Variants in CHI3L2 observed in about 807,000 individuals in gnomAD.
CHI3L2 encodes chitinase-3-like protein 2.
Under a neutral mutation model 47.3 loss-of-function variants are expected in CHI3L2, and 47 were observed. The ratio of observed to expected loss-of-function variants is 0.99; its 90% CI spans 0.79 to 1.27. The LOEUF is 1.27. Ranked by LOEUF, CHI3L2 falls within the 50% of genes most tolerant of loss-of-function variation. The pLI, the probability that CHI3L2 is intolerant of heterozygous loss-of-function variation, is 0.00. For missense variants in CHI3L2, 497 were observed against 462.1 expected (o/e 1.08, Z -0.69); for synonymous variants, 198 against 169.9 (o/e 1.17, Z -1.28).
intron 2 of CHI3L2, 148 bp downstream of exon 2, chr1:111,230,029 A>G (rs568155020): frequency 9.3e-6 from 8 of 863,952 alleles, no homozygotes; most frequent in South Asian, 1.7e-5. Context: ...CTGAGTTTTT[A>G]TTCTATCTTT....
chr1:111,243,174 T>A (rs970819671), intron 10 of CHI3L2, 43 bp from the exon 11 acceptor site: 1 of 455,916 alleles, frequency 2.2e-6, no homozygotes, highest in African/African-American at 2.0e-5. Context: ...TAGGCCTCAG[T>A]TTACTGAGTT....
chr1:111,232,147 T>C (rs999389402), intron 4 of CHI3L2, among the ~76,000 whole-genome samples: 1 of 152,220 alleles, frequency 6.6e-6, no homozygotes, highest in African/African-American at 2.4e-5. Flanking sequence ...AAGACCTATG[T>C]AGATTTCTGC....
At chr1:111,231,097 C>G in intron 3 of CHI3L2, 141 bp from the exon 4 acceptor site, 1 of 946,840 alleles carries the variant, frequency 1.1e-6, no homozygotes, top group Middle Eastern at 2.2e-4. Context: ...ACCAGTGCTT[C>G]ATCCCTTCAC....
rs144810201 is a variant in CHI3L2 at position 111,230,975 on chromosome 1, T to C, written c.272+32T>C. Reference sequence around the variant, plus strand: ...AAGATGGGGGTGGAAGCATCCTGCATGGATTTTAGAGGAGGGAAGCTGGTC... The same window carrying C: ...AAGATGGGGGTGGAAGCATCCTGCACGGATTTTAGAGGAGGGAAGCTGGTC... On this transcript the variant is annotated intron_variant, in intron 3 of 10. Transcript: ENST00000369748. 2.3e-4 allele frequency: 355 copies of C among 1,574,808 alleles called. 3 individuals are homozygous for C. In the East Asian group the frequency reaches 6.8e-3, roughly 30 times the overall value.
chr1:111,238,963 C>T lies in CHI3L2; in HGVS notation c.918+31C>T, dbSNP rs754618815. 8 of 1,539,130 alleles carry T rather than the reference C, an allele frequency of 5.2e-6. 1 individual carries two copies. In the South Asian group the frequency reaches 8.8e-5, roughly 17 times the overall value. On this transcript the variant is annotated intron_variant, in intron 8 of 10. Transcript: ENST00000369748. ...TGGAAACCCCCTGTACCCTCAGCTC[C>T]CTGCCATGTCTGGGTAGATGTTCCA... is the stretch of plus-strand genomic sequence containing the variant.
In CHI3L2 at chr1:111,235,098, C is replaced by T. The variant is rs148079225; in HGVS notation, c.480+41C>T. ...AGTAATTCATGTGAGTCAGATGCCA[C>T]GGTGTACTCAGTACTCTGATATCCA... is the stretch of plus-strand genomic sequence containing the variant. On this transcript the variant is annotated intron_variant, in intron 5 of 10. Coordinates refer to ENST00000369748, the MANE Select transcript of CHI3L2 (RefSeq NM_004000.3). The T allele has an allele frequency of 1.7e-3, 2,792 of 1,602,208 alleles. 3 individuals carry two copies. The highest frequency in any genetic ancestry group is 2.0e-3 in the Non-Finnish European group (2,323 of 1,173,560).
rs752288752 is a variant in CHI3L2, at chr1:111,235,659, G to A, written c.501G>A (p.Gln167=). The change falls in exon 6 of 11, where the codon CAG becomes CAA. Residue 167 remains glutamine, a synonymous_variant. Transcript: ENST00000369748. ...VLIHELAEAF[Q]KDFTKSTKER... is the part of the protein sequence containing the mutation. ...CCTAGGAGTTAGCAGAAGCCTTTCA[G>A]AAGGACTTCACAAAATCCACCAAGG... 1.2e-6 allele frequency: 2 copies of A among 1,614,098 alleles called. No homozygotes were observed. Among genetic ancestry groups the A allele is most frequent in the South Asian group, 2.2e-5 (2 of 91,056 alleles).
At chr1:111,241,662 G>A (rs1660062079) in intron 9 of CHI3L2, among the ~76,000 whole-genome samples, 1 of 152,168 alleles carries the variant, frequency 6.6e-6, no homozygotes, top group Admixed American at 6.5e-5. Context: ...AAAAAGAATT[G>A]AGAACAAGTA....
Position 111,236,052 on chromosome 1 carries a change from T to G in CHI3L2, c.634T>G (p.Phe212Val). Residue 212 changes from phenylalanine (F) to valine (V), a missense_variant, in exon 7 of 11, where the codon TTT becomes GTT. Coordinates refer to ENST00000369748, the MANE Select transcript of CHI3L2 (RefSeq NM_004000.3). ...KDLDFINLLS[F>V]DFHGSWEKPL... The stretch of plus-strand genomic sequence containing the variant: ...TCTGGATTTCATCAACCTCCTGTCC[T>G]TTGACTTCCATGGGTCTTGGGAAAA... 2 of 1,614,228 alleles carry G rather than the reference T, an allele frequency of 1.2e-6. No individual in the cohort carries two copies. Among genetic ancestry groups the G allele is most frequent in the Non-Finnish European group, 1.7e-6 (2 of 1,180,040 alleles).
intron 2 of CHI3L2, among the ~76,000 whole-genome samples, chr1:111,230,214 G>T (rs897647418): frequency 6.6e-6 from 1 of 151,928 alleles, no homozygotes; most frequent in Non-Finnish European, 1.5e-5. Context: ...TGCTCCATGG[G>T]TGTTTCATAT....
Position 111,243,404 on chromosome 1 carries a change from T to C in CHI3L2, c.*190T>C. ...TCCTGCAGCTGTTGACTTGTTGCCC[T>C]GAAGTACAATAAAAAAAATTCATTT... is the stretch of plus-strand genomic sequence containing the variant. On this transcript the variant is annotated 3_prime_UTR_variant, in exon 11 of 11. Coordinates refer to ENST00000369748, the MANE Select transcript of CHI3L2 (RefSeq NM_004000.3). 2.7e-6 allele frequency: 1 copy of C among 363,940 alleles called. No individual in the cohort carries two copies. The highest frequency in any genetic ancestry group is 5.4e-6 in the Non-Finnish European group (1 of 186,206). The allele number at this position is 363,940 out of a possible 1,614,324, so 22.5% of individuals were successfully genotyped here.
chr1:111,233,618 G>A (rs1659791483), intron 4 of CHI3L2, among the ~76,000 whole-genome samples: 1 of 152,036 alleles, frequency 6.6e-6, no homozygotes, highest in African/African-American at 2.4e-5. Flanking sequence ...GAGGTGAGGG[G>A]CGCCTCTGCC....
At chr1:111,229,905 C>T (rs369491317) in intron 2 of CHI3L2, 24 bp downstream of exon 2, 23 of 1,613,220 alleles carry the variant, frequency 1.4e-5, no homozygotes, top group East Asian at 6.7e-5. Flanking sequence ...AAGTCACTAC[C>T]GCCTGGATCT....
Position 111,231,149 on chromosome 1 carries a change from A to G in CHI3L2, c.273-89A>G, listed in dbSNP as rs1659706018. On this transcript the variant is annotated intron_variant, in intron 3 of 10. Coordinates refer to ENST00000369748, the MANE Select transcript of CHI3L2 (RefSeq NM_004000.3). ...TCAAACAGCCAGGCCCTAATTGTCCATTTTCTCTACACTTAAGAACTCTGT... is the reference window on the plus strand; with the variant it reads ...TCAAACAGCCAGGCCCTAATTGTCCGTTTTCTCTACACTTAAGAACTCTGT... 11 of 1,219,448 alleles carry G rather than the reference A, an allele frequency of 9.0e-6. No homozygotes were observed. In the Admixed American group the frequency reaches 1.7e-4, roughly 19 times the overall value. 75.5% of individuals were successfully genotyped at this position (1,219,448 alleles called of 1,614,324 possible).
chr1:111,238,390 C>T (rs1019067638), intron 7 of CHI3L2, among the ~76,000 whole-genome samples: 2 of 152,146 alleles, frequency 1.3e-5, no homozygotes, highest in African/African-American at 4.8e-5. Context: ...CCACCTTTGT[C>T]AGTATTCACA....
Position 111,238,945 on chromosome 1 carries a change from C to G in CHI3L2, c.918+13C>G. 1.3e-6 allele frequency: 2 copies of G among 1,564,734 alleles called. No homozygotes were observed. The highest frequency in any genetic ancestry group is 2.4e-5 in the South Asian group (2 of 83,316). ...GGCCTATTATGAGGTACCTGGAAAC[C>G]CCCTGTACCCTCAGCTCCCTGCCAT... On this transcript the variant is annotated intron_variant, in intron 8 of 10. Transcript: ENST00000369748.
Position 111,227,744 on chromosome 1 carries a change from C to A in CHI3L2, c.15C>A (p.Thr5=). MGAT[T]MDQKSLWAGV... ...TGGCCAAGGATATGGGAGCAACCAC[C>A]ATGGACCAGAAGTCTCTCTGGGCAG... The change falls in exon 1 of 11, where the codon ACC becomes ACA. Residue 5 remains threonine, a synonymous_variant. Transcript: ENST00000369748. The A allele has an allele frequency of 2.5e-6, 4 of 1,614,180 alleles. No individual in the cohort carries two copies. The highest frequency in any genetic ancestry group is 2.5e-6 in the Non-Finnish European group (3 of 1,180,022).
At chr1:111,231,361 C>A in intron 4 of CHI3L2, 67 bp downstream of exon 4, 2 of 1,257,062 alleles carry the variant, frequency 1.6e-6, no homozygotes, top group South Asian at 1.2e-5. Context: ...ATTTTTCCTC[C>A]TTCTAAGAAG....
At chr1:111,238,173 C>A (rs1203903385) in intron 7 of CHI3L2, among the ~76,000 whole-genome samples, 1 of 152,212 alleles carries the variant, frequency 6.6e-6, no homozygotes, top group Non-Finnish European at 1.5e-5. Flanking sequence ...TTATGTTTCC[C>A]TGAAATGTAT....
Sources: gnomAD v4.1 joint callset for allele counts (sites outside exome capture counted in the v4.1 genomes callset) on GRCh38, gnomAD v4.1.1 for gene constraint, MANE v1.5 for transcripts, NCBI Gene and HGNC (gene_info 2026-07-23, HGNC 2026-07-21) for gene names.